LCLAT1: variants seen among roughly 807,000 people sequenced by gnomAD.
LCLAT1 encodes lysocardiolipin acyltransferase 1.
LCLAT1 carries 11 observed loss-of-function variants against 30.7 expected under a neutral mutation model. That is an observed-to-expected ratio of 0.36 (90% CI 0.23 to 0.59). The LOEUF (loss-of-function observed/expected upper bound fraction) is 0.59. LCLAT1 is among the 20% of genes least tolerant of loss of function. The pLI is 0.77. For missense variants in LCLAT1, 402 were observed against 458.6 expected (o/e 0.88, Z 1.13); for synonymous variants, 155 against 151.3 (o/e 1.02, Z -0.18).
At chr2:30,460,591 T>C (rs1682066987) in intron 1 of LCLAT1, among the ~76,000 whole-genome samples, 1 of 152,234 alleles carries the variant, frequency 6.6e-6, no homozygotes, top group Admixed American at 6.5e-5. Flanking sequence ...CTTCGGTTCC[T>C]GACAATGAGC....
intron 1 of LCLAT1, among the ~76,000 whole-genome samples, chr2:30,471,101 A>G (rs1327338076): frequency 6.6e-6 from 1 of 151,206 alleles, no homozygotes; most frequent in Non-Finnish European, 1.5e-5. Flanking sequence ...TTTAGTAGGG[A>G]CGGAGTTTCA....
intron 1 of LCLAT1, among the ~76,000 whole-genome samples, chr2:30,458,437 A>G (rs1681940508): frequency 6.6e-6 from 1 of 152,206 alleles, no homozygotes; most frequent in African/African-American, 2.4e-5. Flanking sequence ...CTCAGGGAGT[A>G]GGAACTGGGA....
intron 4 of LCLAT1, among the ~76,000 whole-genome samples, chr2:30,563,194 C>T (rs1012622787): frequency 6.6e-6 from 1 of 152,070 alleles, no homozygotes; most frequent in African/African-American, 2.4e-5. Context: ...ACCTGGCTAC[C>T]AGATTTTAAA....
intron 3 of LCLAT1, among the ~76,000 whole-genome samples, chr2:30,536,728 A>C (rs1686265063): frequency 6.6e-6 from 1 of 152,238 alleles, no homozygotes. Context: ...GAAAAAGAGA[A>C]GGGACTCAAA....
In LCLAT1 at chr2:30,488,836, A is replaced by G. The variant is rs370753578; in HGVS notation, c.-4-36751A>G. ...GTCCTCAATGTCTGTTTCCAATATC[A>G]TTACTATATTTCCATAAGGAATTAA... is the stretch of plus-strand genomic sequence containing the variant. On this transcript the variant is annotated intron_variant, in intron 1 of 5. Transcript: ENST00000379509. Among the ~76,000 whole-genome samples the G allele has an allele frequency of 6.0e-4, 91 of 152,340 alleles. 2 individuals are homozygous for G. In the South Asian group the frequency reaches 0.012, roughly 20 times the overall value.
chr2:30,523,038 A>G (rs1164457852), intron 1 of LCLAT1, among the ~76,000 whole-genome samples: 4 of 152,138 alleles, frequency 2.6e-5, no homozygotes, highest in African/African-American at 9.7e-5. Flanking sequence ...CAGAGCCTTG[A>G]TAAGGGAAGC....
At chr2:30,621,031 T>C (rs1668223473) in intron 5 of LCLAT1, among the ~76,000 whole-genome samples, 1 of 152,186 alleles carries the variant, frequency 6.6e-6, no homozygotes, top group Non-Finnish European at 1.5e-5. Flanking sequence ...TCAATCCTTA[T>C]CTTAAATCTG....
chr2:30,556,780 T>C (rs894425501), intron 3 of LCLAT1, among the ~76,000 whole-genome samples: 27 of 151,270 alleles, frequency 1.8e-4, no homozygotes, highest in South Asian at 2.1e-4. Flanking sequence ...AGTTTTGCTC[T>C]TGTTGCCCAG....
intron 5 of LCLAT1, among the ~76,000 whole-genome samples, chr2:30,598,552 G>A (rs185153314): frequency 3.9e-4 from 59 of 151,058 alleles, no homozygotes; most frequent in Non-Finnish European, 7.7e-4. Flanking sequence ...TTCTTGATTA[G>A]TCTAGCTAGC....
At chr2:30,584,664 A>G (rs182777228) in intron 5 of LCLAT1, among the ~76,000 whole-genome samples, 2 of 152,230 alleles carry the variant, frequency 1.3e-5, no homozygotes, top group African/African-American at 4.8e-5. Flanking sequence ...GGTTGTAGAT[A>G]CTGATGCAGC....
At chr2:30,596,668 T>C (rs1666942565) in intron 5 of LCLAT1, among the ~76,000 whole-genome samples, 1 of 151,578 alleles carries the variant, frequency 6.6e-6, no homozygotes, top group Non-Finnish European at 1.5e-5. Flanking sequence ...TTGTCAATTT[T>C]TGCTTTGGTT....
chr2:30,450,172 A>G (rs1204487722), intron 1 of LCLAT1, among the ~76,000 whole-genome samples: 1 of 152,258 alleles, frequency 6.6e-6, no homozygotes, highest in Non-Finnish European at 1.5e-5. Flanking sequence ...TAAGGACTCA[A>G]ATATAATTGT....
chr2:30,581,351 C>T (rs1666206351), intron 5 of LCLAT1, among the ~76,000 whole-genome samples: 1 of 152,158 alleles, frequency 6.6e-6, no homozygotes, highest in Non-Finnish European at 1.5e-5. Context: ...GCTGGAAGTC[C>T]TGTCAGTCCC....
chr2:30,636,524 G>C (rs1024798488), intron 5 of LCLAT1, among the ~76,000 whole-genome samples: 1 of 152,142 alleles, frequency 6.6e-6, no homozygotes, highest in African/African-American at 2.4e-5. Flanking sequence ...GGCAGAGCCA[G>C]GATCCCAGGC....
intron 5 of LCLAT1, among the ~76,000 whole-genome samples, chr2:30,595,346 A>C (rs548879683): frequency 4.9e-4 from 74 of 152,036 alleles, no homozygotes; most frequent in African/African-American, 1.8e-3. Context: ...TTCTTCTCTT[A>C]GGCTTTAGTA....
chr2:30,636,562 A>T (rs934246491), intron 5 of LCLAT1, among the ~76,000 whole-genome samples: 1 of 151,890 alleles, frequency 6.6e-6, no homozygotes, highest in East Asian at 1.9e-4. Flanking sequence ...CTCCCTCCAC[A>T]CTCGGTGCTG....
intron 1 of LCLAT1, among the ~76,000 whole-genome samples, chr2:30,524,230 GC>G (rs1191482687): frequency 6.6e-6 from 1 of 152,102 alleles, no homozygotes; most frequent in African/African-American, 2.4e-5. Flanking sequence ...TGATGTTCTG[GC>G]TATGAGGACC....
intron 5 of LCLAT1, among the ~76,000 whole-genome samples, chr2:30,581,745 T>A (rs1666221535): frequency 6.6e-6 from 1 of 152,180 alleles, no homozygotes; most frequent in African/African-American, 2.4e-5. Flanking sequence ...TAGTGGTTAC[T>A]AGAGGCTGGA....
chr2:30,592,528 G>A (rs1666742222), intron 5 of LCLAT1, among the ~76,000 whole-genome samples: 2 of 152,132 alleles, frequency 1.3e-5, no homozygotes, highest in South Asian at 2.1e-4. Context: ...TCCTATTAAT[G>A]TCAGTTTCTC....
Sources: gnomAD v4.1 joint callset for allele counts (sites outside exome capture counted in the v4.1 genomes callset) on GRCh38, gnomAD v4.1.1 for gene constraint, MANE v1.5 for transcripts, NCBI Gene and HGNC (gene_info 2026-07-23, HGNC 2026-07-21) for gene names.